The following ITPK1 variants were observed in gnomAD, a reference collection of about 807,000 sequenced individuals.
ITPK1 encodes the protein inositol 1,3,4-trisphosphate 5/6-kinase.
ITPK1 carries 21 observed loss-of-function variants against 45.3 expected under a neutral mutation model. The ratio of observed to expected loss-of-function variants is 0.46; its 90% CI spans 0.33 to 0.67. The LOEUF (loss-of-function observed/expected upper bound fraction) is 0.67, where lower values mean the gene tolerates loss of function less well. ITPK1 is among the 30% of genes least tolerant of loss of function. The pLI is 0.02. For missense variants in ITPK1, 474 were observed against 573.5 expected (o/e 0.83, Z 1.77); for synonymous variants, 258 against 253.6 (o/e 1.02, Z -0.16).
chr14:92,978,107 T>C (rs1369802039), intron 5 of ITPK1, among the ~76,000 whole-genome samples: 1 of 151,936 alleles, frequency 6.6e-6, no homozygotes, highest in Non-Finnish European at 1.5e-5. Context: ...ATGAGGAACT[T>C]ACTGGAAACT....
chr14:93,076,680 AGGTTCC>A lies in ITPK1; in HGVS notation c.96-67_96-62del. The A allele has an allele frequency of 6.2e-7, 1 of 1,610,028 alleles. No homozygotes were observed. The highest frequency in any genetic ancestry group is 8.5e-7 in the Non-Finnish European group (1 of 1,176,490). On this transcript the variant is annotated intron_variant, in intron 2 of 10. Coordinates refer to ENST00000267615, the MANE Select transcript of ITPK1 (RefSeq NM_014216.6). This position sits in a 1 kb window ranked among gnomAD's most constrained non-coding sequence, Gnocchi z 4.3. ...AGCAGGCTGGACACGTCCTTTCCGA[AGGTTCC>A]CGACAGCCGGCTGAGGGCAGGACCA...
At chr14:93,055,612 A>C (rs551564197) in intron 3 of ITPK1, among the ~76,000 whole-genome samples, 6 of 152,106 alleles carry the variant, frequency 3.9e-5, no homozygotes, top group Non-Finnish European at 5.9e-5. Flanking sequence ...ATGCCACCTG[A>C]ACTTCTGCAC....
At position 93,012,525 on chromosome 14, in the gene ITPK1, G is replaced by T. The variant is rs1165663784; in HGVS notation, c.246+4151C>A. Among the ~76,000 whole-genome samples the T allele has an allele frequency of 6.6e-6, 1 of 152,154 alleles. No individual in the cohort carries two copies. Among genetic ancestry groups the T allele is most frequent in the African/African-American group, 2.4e-5 (1 of 41,440 alleles). On this transcript the variant is annotated intron_variant, in intron 4 of 10. Transcript: ENST00000267615. The surrounding 1 kb of genome is among the most constrained non-coding windows in gnomAD (Gnocchi z 4.9). Reference sequence around the variant, plus strand: ...ATGGCCTTCAGTGTCACAGCAATAAGAAAGCATGGGATGTTTTAAGCCAAG... The same window carrying T: ...ATGGCCTTCAGTGTCACAGCAATAATAAAGCATGGGATGTTTTAAGCCAAG...
At chr14:92,974,479 T>C (rs1367408992) in intron 5 of ITPK1, among the ~76,000 whole-genome samples, 1 of 152,182 alleles carries the variant, frequency 6.6e-6, no homozygotes. Context: ...ACCCTCAGCC[T>C]CGCAGCCCCT....
At chr14:92,969,438 C>T (rs749660355) in intron 5 of ITPK1, among the ~76,000 whole-genome samples, 21 of 152,164 alleles carry the variant, frequency 1.4e-4, no homozygotes, top group Non-Finnish European at 2.4e-4. Flanking sequence ...GGTGCAAAGG[C>T]CCAACCTGCT....
In ITPK1 at chr14:92,962,810, C is replaced by T. The variant is rs1239998758; in HGVS notation, c.404G>A (p.Ser135Asn). 6.2e-7 allele frequency: 1 copy of T among 1,614,002 alleles called. No individual in the cohort carries two copies. Among genetic ancestry groups the T allele is most frequent in the Non-Finnish European group, 8.5e-7 (1 of 1,179,944 alleles). The change falls in exon 6 of 11, where the codon AGC becomes AAC. Residue 135 changes from serine to asparagine, a missense_variant. Around this residue, in one of 2 missense-constraint regions of ITPK1, gnomAD observed 367 missense variants for 480.6 expected, o/e 0.76. Transcript: ENST00000267615. ...CCGCATGGTGTCATCCCCGCACAGG[C>T]TCGTGAGCTCCATGAAGGGTGGCGA... ...ICSPPFMELT[S>N]LCGDDTMRLL...
At chr14:93,019,543 G>A (rs1360743911) in intron 3 of ITPK1, among the ~76,000 whole-genome samples, 3 of 152,240 alleles carry the variant, frequency 2.0e-5, no homozygotes, top group Non-Finnish European at 4.4e-5. Flanking sequence ...TCAGGCCTGG[G>A]CTGCTCTCGG....
At chr14:93,071,517 A>T (rs1384205951) in intron 3 of ITPK1, 1 of 152,276 alleles carries the variant, frequency 6.6e-6, no homozygotes, top group Non-Finnish European at 1.5e-5. Flanking sequence ...ATTTCTCATC[A>T]TAAGTCTAAA....
chr14:93,077,158 G>A (rs1891258287), intron 2 of ITPK1, among the ~76,000 whole-genome samples: 1 of 152,114 alleles, frequency 6.6e-6, no homozygotes. Context: ...CAGCCTCCAA[G>A]CTGCACTCAT....
chr14:92,947,568 C>T (rs1174295083), intron 9 of ITPK1, among the ~76,000 whole-genome samples: 1 of 152,254 alleles, frequency 6.6e-6, no homozygotes, highest in Non-Finnish European at 1.5e-5. Flanking sequence ...CAGGTTTGCT[C>T]TTCTGTAAAA....
intron 9 of ITPK1, among the ~76,000 whole-genome samples, chr14:92,950,179 C>T (rs920494920): frequency 2.6e-5 from 4 of 152,228 alleles, no homozygotes; most frequent in Non-Finnish European, 4.4e-5. Context: ...CCTCCAAGTT[C>T]GGTGGGGCTA....
At chr14:92,991,575 A>G (rs920200846) in intron 5 of ITPK1, among the ~76,000 whole-genome samples, 3 of 152,090 alleles carry the variant, frequency 2.0e-5, no homozygotes, top group Admixed American at 1.3e-4. Flanking sequence ...GAACTAGGAC[A>G]CACCCTGCTT....
chr14:93,107,914 G>A (rs115768717), intron 2 of ITPK1, among the ~76,000 whole-genome samples: 1,905 of 152,316 alleles, frequency 0.013, 54 homozygotes, highest in African/African-American at 0.043. Flanking sequence ...GACTCAAAGG[G>A]CCCCACAGGT....
At chr14:93,100,936 C>T (rs1206315457) in intron 2 of ITPK1, among the ~76,000 whole-genome samples, 1 of 152,204 alleles carries the variant, frequency 6.6e-6, no homozygotes, top group Non-Finnish European at 1.5e-5. Flanking sequence ...GAAGCACTCA[C>T]AGAACTGCCC....
At chr14:92,967,044 TAGAC>T (rs1014959415) in intron 5 of ITPK1, among the ~76,000 whole-genome samples, 1 of 152,232 alleles carries the variant, frequency 6.6e-6, no homozygotes, top group Non-Finnish European at 1.5e-5. Flanking sequence ...AATGGCTTCT[TAGAC>T]AGGACACTAA....
intron 9 of ITPK1, among the ~76,000 whole-genome samples, chr14:92,948,728 C>T (rs1269086325): frequency 3.9e-5 from 6 of 152,156 alleles, no homozygotes; most frequent in African/African-American, 1.4e-4. Context: ...TACCCAAGCA[C>T]AGGAGGCTGA....
At chr14:93,028,858 CA>C (rs2139884470) in intron 3 of ITPK1, among the ~76,000 whole-genome samples, 1 of 152,344 alleles carries the variant, frequency 6.6e-6, no homozygotes, top group East Asian at 1.9e-4. Flanking sequence ...GAGAACACTT[CA>C]CTGCCTCCTC....
chr14:92,970,093 C>T (rs1238523345), intron 5 of ITPK1, among the ~76,000 whole-genome samples: 1 of 152,150 alleles, frequency 6.6e-6, no homozygotes, highest in South Asian at 2.1e-4. Flanking sequence ...TTCCCTCATC[C>T]GACCGGTAGC....
At chr14:93,104,218 G>A (rs551456445) in intron 2 of ITPK1, among the ~76,000 whole-genome samples, 3 of 152,298 alleles carry the variant, frequency 2.0e-5, no homozygotes, top group East Asian at 3.9e-4. Flanking sequence ...GGGCGCGGTC[G>A]CTCACACTTG....
Sources: allele counts gnomAD v4.1 joint callset (sites outside exome capture counted in the v4.1 genomes callset), GRCh38; gene constraint gnomAD v4.1.1; regional missense constraint gnomAD v4.1.1; non-coding constraint Gnocchi (gnomAD v3.1); transcripts MANE v1.5; gene names NCBI Gene and HGNC (gene_info 2026-07-23, HGNC 2026-07-21).